THSD7A: variants seen among roughly 807,000 people sequenced by gnomAD.
THSD7A encodes the protein thrombospondin type-1 domain-containing protein 7A.
In THSD7A, 96 loss-of-function variants were observed where a neutral mutation model predicts 231.3. That is an observed-to-expected ratio of 0.41 (90% CI 0.35 to 0.49). The LOEUF (loss-of-function observed/expected upper bound fraction) is 0.49, where lower values mean the gene tolerates loss of function less well. THSD7A is among the 20% of genes least tolerant of loss of function. THSD7A has a pLI of 0.05. For synonymous variants in THSD7A, 940 were observed against 743.3 expected (o/e 1.26, Z -4.30); for missense variants, 2,290 against 2,070.2 (o/e 1.11, Z -2.06).
chr7:11,738,392 T>C (rs917278698), intron 1 of THSD7A, among the ~76,000 whole-genome samples: 1 of 152,040 alleles, frequency 6.6e-6, no homozygotes, highest in African/African-American at 2.4e-5. Context: ...TTTTACGATA[T>C]ATGTAACACA....
At chr7:11,544,340 G>A (rs1372761406) in intron 4 of THSD7A, among the ~76,000 whole-genome samples, 18 of 145,486 alleles carry the variant, frequency 1.2e-4, no homozygotes, top group East Asian at 2.0e-4. Flanking sequence ...GACACAGTCG[G>A]AAAAAAAAAA....
At chr7:11,502,395 C>A (rs993434573) in intron 6 of THSD7A, among the ~76,000 whole-genome samples, 1 of 152,174 alleles carries the variant, frequency 6.6e-6, no homozygotes, top group African/African-American at 2.4e-5. Context: ...TAGCAAAATA[C>A]TTGCAAACCA....
chr7:11,591,705 A>G (rs1584042263), intron 3 of THSD7A, among the ~76,000 whole-genome samples: 1 of 152,128 alleles, frequency 6.6e-6, no homozygotes, highest in Non-Finnish European at 1.5e-5. Flanking sequence ...AAGAAACAAC[A>G]CCTGACATTA....
intron 1 of THSD7A, among the ~76,000 whole-genome samples, chr7:11,667,170 C>G (rs1415783757): frequency 1.3e-5 from 2 of 152,038 alleles, no homozygotes; most frequent in Non-Finnish European, 2.9e-5. Flanking sequence ...GCAGTGTACA[C>G]TATACCCAAT....
In THSD7A at chr7:11,465,422, T is replaced by C. The variant is rs146660919; in HGVS notation, c.2369-3279A>G. On this transcript the variant is annotated intron_variant, in intron 9 of 27. Coordinates refer to ENST00000423059, the MANE Select transcript of THSD7A (RefSeq NM_015204.3). ...GAATGGAAAAAACAGATCGTACATC[T>C]AGCAAATAATCATGTGATGATGGGG... Among the ~76,000 whole-genome samples, 168 of 152,230 alleles carry C rather than the reference T, an allele frequency of 1.1e-3. 1 individual carries two copies. Among genetic ancestry groups the C allele is most frequent in the African/African-American group, 3.9e-3 (161 of 41,566 alleles).
intron 1 of THSD7A, among the ~76,000 whole-genome samples, chr7:11,801,113 G>A (rs1240135588): frequency 6.6e-6 from 1 of 152,020 alleles, no homozygotes; most frequent in Non-Finnish European, 1.5e-5. Context: ...ACCAGCCTCG[G>A]CAACAAGGAG....
rs973586201 is a variant in THSD7A, at chr7:11,590,406, C to G, written c.1453+54G>C. The G allele has an allele frequency of 2.1e-5, 32 of 1,549,510 alleles. No homozygotes were observed. The African/African-American group carries it at 3.7e-4, about 18-fold the overall frequency. On this transcript the variant is annotated intron_variant, in intron 4 of 27. Coordinates refer to ENST00000423059, the MANE Select transcript of THSD7A (RefSeq NM_015204.3). The surrounding 1 kb of genome is among the most constrained non-coding windows in gnomAD (Gnocchi z 4.4). The stretch of plus-strand genomic sequence containing the variant: ...TGTGTATATATCCCTTCAGAGCAAT[C>G]ACATGCTCAGTCAGTCTTCATAAGT...
At chr7:11,665,325 TG>T (rs1783088620) in intron 1 of THSD7A, among the ~76,000 whole-genome samples, 1 of 152,094 alleles carries the variant, frequency 6.6e-6, no homozygotes, top group Non-Finnish European at 1.5e-5. Context: ...CCCTGCCAGC[TG>T]TAGAACAGCT....
rs191557761 is a variant in THSD7A at position 11,724,720 on chromosome 7, A to G, written c.191-87759T>C. ...GAAAAAGTCATTTTTAGATTTAAGA[A>G]AAATTGCCATTTTCTTTGAAAACCA... On this transcript the variant is annotated intron_variant, in intron 1 of 27. Coordinates refer to ENST00000423059, the MANE Select transcript of THSD7A (RefSeq NM_015204.3). Among the ~76,000 whole-genome samples the G allele has an allele frequency of 5.3e-5, 8 of 152,082 alleles. No homozygotes were observed. In the East Asian group the frequency reaches 1.6e-3, roughly 30 times the overall value.
At chr7:11,707,943 C>G (rs965175608) in intron 1 of THSD7A, among the ~76,000 whole-genome samples, 2 of 150,616 alleles carry the variant, frequency 1.3e-5, no homozygotes, top group African/African-American at 4.9e-5. Flanking sequence ...TCTTTGCTGT[C>G]CATTTCTTAA....
At chr7:11,535,051 G>A (rs1245358227) in intron 6 of THSD7A, among the ~76,000 whole-genome samples, 1 of 152,098 alleles carries the variant, frequency 6.6e-6, no homozygotes, top group Non-Finnish European at 1.5e-5. Context: ...AAAGTAAATG[G>A]CTATTTTATA....
intron 1 of THSD7A, among the ~76,000 whole-genome samples, chr7:11,825,400 C>T (rs1328933818): frequency 1.3e-5 from 2 of 152,062 alleles, no homozygotes; most frequent in Non-Finnish European, 1.5e-5. Flanking sequence ...TCTTTCCATT[C>T]TATAATGGTG....
chr7:11,773,833 G>T (rs547489699), intron 1 of THSD7A, among the ~76,000 whole-genome samples: 8 of 151,936 alleles, frequency 5.3e-5, no homozygotes, highest in Non-Finnish European at 1.2e-4. Flanking sequence ...TGCACATAAG[G>T]TGATTAATAA....
chr7:11,701,922 T>C (rs1476650518), intron 1 of THSD7A, among the ~76,000 whole-genome samples: 1 of 151,004 alleles, frequency 6.6e-6, no homozygotes, highest in East Asian at 2.0e-4. Flanking sequence ...GACAGGAATA[T>C]GCCTGAGCAC....
At chr7:11,685,464 C>G (rs546332788) in intron 1 of THSD7A, among the ~76,000 whole-genome samples, 3 of 151,894 alleles carry the variant, frequency 2.0e-5, no homozygotes, top group Non-Finnish European at 4.4e-5. Context: ...ACAATAATTG[C>G]AAACTATGCA....
rs1440264611 is a variant in THSD7A at position 11,800,808 on chromosome 7, A to G, written c.190+30949T>C. On this transcript the variant is annotated intron_variant, in intron 1 of 27. Transcript: ENST00000423059. Reference sequence around the variant, plus strand: ...TGAGTAAGTCCTAGAGCTCTTCTCTACAACATAGTACCTATAGTTAACAAT... The same window carrying G: ...TGAGTAAGTCCTAGAGCTCTTCTCTGCAACATAGTACCTATAGTTAACAAT... 6.6e-5 allele frequency among the ~76,000 whole-genome samples: 10 copies of G among 152,318 alleles called. No homozygotes were observed. In the South Asian group the frequency reaches 2.1e-3, roughly 32 times the overall value.
rs1024780445 is a variant in THSD7A, at chr7:11,453,351, T to G, written c.2606-5927A>C. 3.3e-5 allele frequency among the ~76,000 whole-genome samples: 5 copies of G among 151,982 alleles called. No homozygotes were observed. The East Asian group carries it at 7.8e-4, about 24-fold the overall frequency. On this transcript the variant is annotated intron_variant, in intron 11 of 27. Coordinates refer to ENST00000423059, the MANE Select transcript of THSD7A (RefSeq NM_015204.3). ...CTTTTTTTTTTTTTAAGGACTCTCCTTTTGTAATCTTTTTAAACCAATAAG... is the reference window on the plus strand; with the variant it reads ...CTTTTTTTTTTTTTAAGGACTCTCCGTTTGTAATCTTTTTAAACCAATAAG...
intron 1 of THSD7A, among the ~76,000 whole-genome samples, chr7:11,789,469 T>C (rs1446843005): frequency 6.6e-6 from 1 of 152,066 alleles, no homozygotes; most frequent in Admixed American, 6.6e-5. Flanking sequence ...ACTCGTCCTC[T>C]TTTATAAGCT....
At chr7:11,520,698 G>A (rs1788227475) in intron 6 of THSD7A, among the ~76,000 whole-genome samples, 1 of 152,128 alleles carries the variant, frequency 6.6e-6, no homozygotes, top group South Asian at 2.1e-4. Flanking sequence ...TCAAGTCTTG[G>A]TATAATTTGA....
Sources: gnomAD v4.1 joint callset for allele counts (sites outside exome capture counted in the v4.1 genomes callset) on GRCh38, gnomAD v4.1.1 for gene constraint, Gnocchi (gnomAD v3.1) non-coding constraint, MANE v1.5 for transcripts, NCBI Gene and HGNC (gene_info 2026-07-23, HGNC 2026-07-21) for gene names.